Variants in TLN2 observed in about 807,000 individuals in gnomAD.
The protein encoded by TLN2 is talin-2.
In TLN2, 118 loss-of-function variants were observed where a neutral mutation model predicts 294.7. The observed-to-expected ratio is 0.40, with a 90% CI of 0.34 to 0.47. TLN2 has a LOEUF of 0.47. Among genes scored for constraint, TLN2 ranks in the 20% least tolerant of loss-of-function variants. TLN2 has a pLI of 0.84. For synonymous variants in TLN2, 1,431 were observed against 1,304.5 expected (o/e 1.10, Z -2.09); for missense variants, 3,083 against 3,282.2 (o/e 0.94, Z 1.48).
At position 62,520,043 on chromosome 15, in the gene TLN2, C is replaced by T. The variant is rs542811512; in HGVS notation, c.-237-69644C>T. Among the ~76,000 whole-genome samples the T allele has an allele frequency of 4.6e-5, 7 of 152,258 alleles. No individual in the cohort carries two copies. The South Asian group carries it at 1.2e-3, about 27-fold the overall frequency. ...GTGAGGACCAGGTGAAAGGGGTTTC[C>T]CCTTATAAAACCATCAGATCTTGTG... is the stretch of plus-strand genomic sequence containing the variant. On this transcript the variant is annotated intron_variant, in intron 1 of 58. Transcript: ENST00000636159.
At chr15:62,796,632 G>C (rs2065499785) in intron 47 of TLN2, among the ~76,000 whole-genome samples, 1 of 152,090 alleles carries the variant, frequency 6.6e-6, no homozygotes, top group Non-Finnish European at 1.5e-5. Flanking sequence ...GGCATATTTC[G>C]CTTAAACCCT....
Position 62,708,720 on chromosome 15 carries a change from C to A in TLN2, c.2391C>A (p.Pro797=), listed in dbSNP as rs1454192804. ...HVRQFASRGE[P]IGRYDQATDT... ...GGCAGTTTGCCAGCCGAGGCGAGCC[C>A]ATCGGCCGCTACGACCAGGCTACTG... The change falls in exon 21 of 59, where the codon CCC becomes CCA. Residue 797 remains proline, a synonymous_variant. Coordinates refer to ENST00000636159, the MANE Select transcript of TLN2 (RefSeq NM_015059.3). 6.2e-7 allele frequency: 1 copy of A among 1,612,974 alleles called. No homozygotes were observed. Among genetic ancestry groups the A allele is most frequent in the Non-Finnish European group, 8.5e-7 (1 of 1,180,040 alleles).
chr15:62,542,025 T>A (rs975814547), intron 1 of TLN2, among the ~76,000 whole-genome samples: 9 of 151,884 alleles, frequency 5.9e-5, no homozygotes, highest in Non-Finnish European at 1.2e-4. Flanking sequence ...CAAAGAGTGT[T>A]TATTTAGGAC....
At chr15:62,605,730 T>C (rs561852389) in intron 2 of TLN2, among the ~76,000 whole-genome samples, 2 of 152,342 alleles carry the variant, frequency 1.3e-5, no homozygotes, top group African/African-American at 4.8e-5. Flanking sequence ...CAGAGTCACC[T>C]ATAAGCCCAT....
rs528762415 is a variant in TLN2, at chr15:62,718,274, A to G, written c.2877+585A>G. ...AAGAGCCCAGGGAGTTGACTCCCCC[A>G]GGGCTCCTCTTAATGGTGGCAGACA... On this transcript the variant is annotated intron_variant, in intron 24 of 58. Coordinates refer to ENST00000636159, the MANE Select transcript of TLN2 (RefSeq NM_015059.3). Among the ~76,000 whole-genome samples, 15 of 152,330 alleles carry G rather than the reference A, an allele frequency of 9.8e-5. No individual in the cohort carries two copies. The South Asian group carries it at 2.9e-3, about 29-fold the overall frequency.
intron 54 of TLN2, among the ~76,000 whole-genome samples, chr15:62,825,050 T>A (rs77555918): frequency 0.018 from 2,736 of 152,274 alleles, 88 homozygotes; most frequent in African/African-American, 0.063. Flanking sequence ...AGAGAGGTGA[T>A]GACACAGGAG....
At chr15:62,743,844 C>G (rs940218933) in intron 32 of TLN2, among the ~76,000 whole-genome samples, 2 of 152,134 alleles carry the variant, frequency 1.3e-5, no homozygotes, top group African/African-American at 4.8e-5. Context: ...ATCACACCCC[C>G]GGGCCAGGTT....
chr15:62,532,025 T>TTTTTTTAC (rs1325698951), intron 1 of TLN2, among the ~76,000 whole-genome samples: 1 of 150,198 alleles, frequency 6.7e-6, no homozygotes, highest in Non-Finnish European at 1.5e-5. Context: ...GAATAATTAT[T>TTTTTTTAC]TTTTTTACTT....
chr15:62,506,329 G>A (rs2039621446), intron 1 of TLN2, among the ~76,000 whole-genome samples: 2 of 152,132 alleles, frequency 1.3e-5, no homozygotes, highest in African/African-American at 2.4e-5. Context: ...ACCTTTTTTG[G>A]GTGTGATGAG....
chr15:62,491,349 TATACACACACACACACACACACAC>T (rs2038708876), intron 1 of TLN2, among the ~76,000 whole-genome samples: 1 of 84,588 alleles, frequency 1.2e-5, no homozygotes, highest in African/African-American at 6.1e-5. Context: ...TATATATATA[TATACACACACACACACACACACAC>T]ACACACACAC....
Position 62,719,816 on chromosome 15 carries a change from A to G in TLN2, c.2927A>G (p.Gln976Arg). 1 of 1,612,550 alleles carries G rather than the reference A, an allele frequency of 6.2e-7. No homozygotes were observed. The highest frequency in any genetic ancestry group is 8.5e-7 in the Non-Finnish European group (1 of 1,179,206). ...CTGGTCCAGGGAGTGAGGGGGAGCCAAGCTCAAGCTGAAGACCTGAGTGCC... is the reference window on the plus strand; with the variant it reads ...CTGGTCCAGGGAGTGAGGGGGAGCCGAGCTCAAGCTGAAGACCTGAGTGCC... ...PQLVQGVRGS[Q>R]AQAEDLSAQL... Residue 976 changes from glutamine to arginine, a missense_variant, in exon 25 of 59, where the codon CAA becomes CGA. By Grantham distance (43) the Gln-to-Arg change is conservative. Coordinates refer to ENST00000636159, the MANE Select transcript of TLN2 (RefSeq NM_015059.3).
chr15:62,472,804 T>TCCG (rs2037556461), intron 1 of TLN2, among the ~76,000 whole-genome samples: 1 of 152,142 alleles, frequency 6.6e-6, no homozygotes, highest in African/African-American at 2.4e-5. Flanking sequence ...GACTTGAGCA[T>TCCG]TCGTTGAATG....
At chr15:62,826,623 A>C (rs2068225394) in intron 54 of TLN2, among the ~76,000 whole-genome samples, 1 of 152,194 alleles carries the variant, frequency 6.6e-6, no homozygotes, top group South Asian at 2.1e-4. Context: ...ACCTTTGCAC[A>C]GTTTGGGGCT....
chr15:62,437,750 GGGGTGTGTGT>G (rs746208583), intron 1 of TLN2, among the ~76,000 whole-genome samples: 37 of 73,842 alleles, frequency 5.0e-4, no homozygotes, highest in Non-Finnish European at 1.1e-3. Context: ...AAACACCATG[GGGGTGTGTGT>G]GTGTGTGTGT....
At chr15:62,530,516 C>T (rs1389152894) in intron 1 of TLN2, among the ~76,000 whole-genome samples, 1 of 152,036 alleles carries the variant, frequency 6.6e-6, no homozygotes, top group African/African-American at 2.4e-5. Flanking sequence ...GCCACCATGC[C>T]CGGCTAATTT....
At chr15:62,456,700 GA>G (rs1024455883) in intron 1 of TLN2, among the ~76,000 whole-genome samples, 1 of 148,146 alleles carries the variant, frequency 6.8e-6, no homozygotes, top group Non-Finnish European at 1.5e-5. Flanking sequence ...GGTTGGGAAT[GA>G]GGGCTTGTCA....
At position 62,503,816 on chromosome 15, in the gene TLN2, C is replaced by G. The variant is rs1158848819; in HGVS notation, c.-237-85871C>G. On this transcript the variant is annotated intron_variant, in intron 1 of 58. Coordinates refer to ENST00000636159, the MANE Select transcript of TLN2 (RefSeq NM_015059.3). ...AGAACCTGGAAGCCTCACTTAGCTT[C>G]TGGGAGCAGGTCCTGGAGCTGGGCT... 1.8e-4 allele frequency among the ~76,000 whole-genome samples: 28 copies of G among 152,216 alleles called. 1 individual carries two copies. Among genetic ancestry groups the G allele is most frequent in the Admixed American group, 1.8e-3 (28 of 15,280 alleles).
chr15:62,832,521 AGCTTCTTTTCAACTTCCTG>A (rs1310097951), intron 54 of TLN2: 1 of 152,230 alleles, frequency 6.6e-6, no homozygotes, highest in East Asian at 1.9e-4. Flanking sequence ...ACTTCTCCAA[AGCTTCTTTTCAACTTCCTG>A]AGTTGTTTTA....
chr15:62,803,146 C>T (rs1232846852), intron 50 of TLN2, among the ~76,000 whole-genome samples: 1 of 150,792 alleles, frequency 6.6e-6, no homozygotes, highest in Non-Finnish European at 1.5e-5. Flanking sequence ...TGTCATGCCC[C>T]TCTCTCCTGG....
Sources: allele counts gnomAD v4.1 joint callset (sites outside exome capture counted in the v4.1 genomes callset), GRCh38; gene constraint gnomAD v4.1.1; transcripts MANE v1.5; gene names NCBI Gene and HGNC (gene_info 2026-07-23, HGNC 2026-07-21).